TNR: variants seen among roughly 807,000 people sequenced by gnomAD.
TNR encodes the protein tenascin-R.
A neutral mutation model predicts 150.4 loss-of-function variants in TNR; 45 were observed. That is an observed-to-expected ratio of 0.30 (90% CI 0.24 to 0.38). TNR has a LOEUF of 0.38. Ranked by LOEUF, TNR falls within the 10% of genes least tolerant of loss-of-function variation. The pLI, the probability that TNR is intolerant of heterozygous loss-of-function variation, is 1.00. For synonymous variants in TNR, 687 were observed against 678.4 expected (o/e 1.01, Z -0.20); for missense variants, 1,544 against 1,759.1 (o/e 0.88, Z 2.19).
chr1:175,621,466 G>A (rs1223397734), intron 1 of TNR, among the ~76,000 whole-genome samples: 2 of 152,062 alleles, frequency 1.3e-5, no homozygotes, highest in African/African-American at 2.4e-5. Flanking sequence ...ATTTCAGGAC[G>A]CTTTCTTCCT....
intron 1 of TNR, among the ~76,000 whole-genome samples, chr1:175,729,023 A>G (rs1355451253): frequency 1.3e-5 from 2 of 152,208 alleles, no homozygotes; most frequent in African/African-American, 4.8e-5. Flanking sequence ...ATTCAAAAGG[A>G]GAACTGCAAG....
At chr1:175,442,199 G>A (rs1471501471) in intron 2 of TNR, among the ~76,000 whole-genome samples, 1 of 151,956 alleles carries the variant, frequency 6.6e-6, no homozygotes, top group East Asian at 1.9e-4. Flanking sequence ...TTTTTCACTT[G>A]GCTTTTGCAC....
intron 21 of TNR, among the ~76,000 whole-genome samples, chr1:175,327,906 G>A (rs892527456): frequency 2.0e-5 from 3 of 152,300 alleles, no homozygotes; most frequent in Admixed American, 1.3e-4. Context: ...ACAGGAGCTC[G>A]AGACCAGCCT....
At chr1:175,675,461 G>A (rs1052115214) in intron 1 of TNR, among the ~76,000 whole-genome samples, 5 of 152,160 alleles carry the variant, frequency 3.3e-5, no homozygotes, top group Admixed American at 2.0e-4. Flanking sequence ...ACACACAATC[G>A]CATTGTGTGA....
chr1:175,406,884 G>C (rs200638336), intron 2 of TNR, 107 bp from the exon 3 acceptor site: 1 of 94,584 alleles, frequency 1.1e-5, no homozygotes, highest in Non-Finnish European at 1.5e-5. Context: ...AGATTTTCAA[G>C]GGGGGGGCGT....
At chr1:175,559,368 T>A (rs534216345) in intron 1 of TNR, among the ~76,000 whole-genome samples, 3 of 152,162 alleles carry the variant, frequency 2.0e-5, no homozygotes, top group Non-Finnish European at 4.4e-5. Context: ...ATTTCAAACA[T>A]AGAAAATGAT....
intron 4 of TNR, among the ~76,000 whole-genome samples, chr1:175,402,719 A>C (rs1407761859): frequency 6.6e-6 from 1 of 152,208 alleles, no homozygotes; most frequent in African/African-American, 2.4e-5. Context: ...GCATTCCTGG[A>C]ATATGGCAAC....
At chr1:175,446,963 C>T (rs1166781730) in intron 2 of TNR, among the ~76,000 whole-genome samples, 4 of 151,934 alleles carry the variant, frequency 2.6e-5, no homozygotes, top group East Asian at 1.9e-4. Flanking sequence ...CAAATGTGTA[C>T]GTGTGTATGT....
chr1:175,524,636 C>T (rs954102642), intron 2 of TNR, among the ~76,000 whole-genome samples: 4 of 152,038 alleles, frequency 2.6e-5, no homozygotes, highest in African/African-American at 7.2e-5. Context: ...GCAAGTTGGG[C>T]AGGATGATTG....
chr1:175,651,336 T>C (rs1346786281), intron 1 of TNR, among the ~76,000 whole-genome samples: 1 of 151,754 alleles, frequency 6.6e-6, no homozygotes, highest in Non-Finnish European at 1.5e-5. Flanking sequence ...CATGTTTTCT[T>C]TGAGGGGAAA....
intron 1 of TNR, among the ~76,000 whole-genome samples, chr1:175,551,023 A>G (rs1472711952): frequency 6.6e-6 from 1 of 152,202 alleles, no homozygotes; most frequent in African/African-American, 2.4e-5. Context: ...CCATCCCTGG[A>G]GGTCCAACTT....
chr1:175,342,237 G>A (rs1308273956), intron 18 of TNR, among the ~76,000 whole-genome samples: 7 of 152,148 alleles, frequency 4.6e-5, no homozygotes, highest in East Asian at 1.9e-4. Flanking sequence ...GGATGTGGGC[G>A]TGCAATGATG....
rs528543750 is a variant in TNR, at chr1:175,402,283, C to T, written c.976+857G>A. Among the ~76,000 whole-genome samples the T allele has an allele frequency of 2.5e-3, 290 of 115,536 alleles. 6 individuals are homozygous for T. The highest frequency in any genetic ancestry group is 2.2e-3 in the Non-Finnish European group (134 of 60,482). 75.8% of individuals were successfully genotyped at this position (115,536 alleles called of 152,430 possible). On this transcript the variant is annotated intron_variant, in intron 4 of 22. Coordinates refer to ENST00000367674, the MANE Select transcript of TNR (RefSeq NM_003285.3). ...GATTGCGCCACTGCAGTCCGCAATC[C>T]GGCCTGGGCGACAGAGCGAGACTCC...
chr1:175,458,036 G>A (rs893559945), intron 2 of TNR, among the ~76,000 whole-genome samples: 1 of 152,180 alleles, frequency 6.6e-6, no homozygotes. Flanking sequence ...CTGTAAAATG[G>A]GGAAATAGTA....
At chr1:175,564,251 T>G (rs2102213101) in intron 1 of TNR, among the ~76,000 whole-genome samples, 1 of 152,282 alleles carries the variant, frequency 6.6e-6, no homozygotes, top group Non-Finnish European at 1.5e-5. Context: ...TCCCTCCTGC[T>G]GCCTGCCCTG....
intron 1 of TNR, among the ~76,000 whole-genome samples, chr1:175,672,327 G>C (rs1292423933): frequency 2.0e-5 from 3 of 152,152 alleles, no homozygotes; most frequent in Admixed American, 1.3e-4. Context: ...GATTCTCATG[G>C]ATATAGCATC....
intron 1 of TNR, among the ~76,000 whole-genome samples, chr1:175,563,607 C>A (rs975134374): frequency 2.0e-5 from 3 of 152,224 alleles, no homozygotes; most frequent in African/African-American, 7.2e-5. Context: ...TAAATTAGGG[C>A]AGCCTTACAA....
chr1:175,486,759 A>G (rs1658034479), intron 2 of TNR, among the ~76,000 whole-genome samples: 1 of 152,056 alleles, frequency 6.6e-6, no homozygotes, highest in Non-Finnish European at 1.5e-5. Flanking sequence ...AAGCTTTCCT[A>G]TTTCTCCACA....
At chr1:175,440,068 A>G (rs1429543248) in intron 2 of TNR, among the ~76,000 whole-genome samples, 4 of 152,210 alleles carry the variant, frequency 2.6e-5, no homozygotes, top group African/African-American at 9.6e-5. Flanking sequence ...ATCAAGACAC[A>G]TGCACAGGTA....
Sources: allele counts gnomAD v4.1 joint callset (sites outside exome capture counted in the v4.1 genomes callset), GRCh38; gene constraint gnomAD v4.1.1; transcripts MANE v1.5; gene names NCBI Gene and HGNC (gene_info 2026-07-23, HGNC 2026-07-21).